CFAP61: variants seen among roughly 807,000 people sequenced by gnomAD.
CFAP61 encodes cilia and flagella associated protein 61.
CFAP61 carries 107 observed loss-of-function variants against 135.6 expected under a neutral mutation model. The observed-to-expected ratio is 0.79, with a 90% CI of 0.67 to 0.93. The LOEUF is 0.93. Ranked by LOEUF, CFAP61 falls within the 40% of genes least tolerant of loss-of-function variation. CFAP61 has a pLI of 0.00. For synonymous variants in CFAP61, 575 were observed against 578.5 expected (o/e 0.99, Z 0.09); for missense variants, 1,507 against 1,556.2 (o/e 0.97, Z 0.53).
chr20:20,359,217 T>C lies in CFAP61; in HGVS notation c.3514-993T>C, dbSNP rs1241021350. Among the ~76,000 whole-genome samples, 2 of 152,214 alleles carry C rather than the reference T, an allele frequency of 1.3e-5. No homozygotes were observed. The highest frequency in any genetic ancestry group is 4.8e-5 in the African/African-American group (2 of 41,450). The stretch of plus-strand genomic sequence containing the variant: ...TTATTCTTTCTGAGCCCTACCTTTT[T>C]AAATATATCAATAAAATTTGACTTG... On this transcript the variant is annotated intron_variant, in intron 26 of 26. Transcript: ENST00000245957. This position sits in a 1 kb window ranked among gnomAD's most constrained non-coding sequence, Gnocchi z 4.0.
chr20:20,254,672 C>G (rs576519273), intron 20 of CFAP61, among the ~76,000 whole-genome samples: 1 of 152,316 alleles, frequency 6.6e-6, no homozygotes, highest in East Asian at 1.9e-4. Flanking sequence ...GTCTTCAACT[C>G]TCTCCTGGTT....
At chr20:20,264,401 G>C (rs1210204211) in intron 21 of CFAP61, among the ~76,000 whole-genome samples, 1 of 152,128 alleles carries the variant, frequency 6.6e-6, no homozygotes, top group Non-Finnish European at 1.5e-5. Context: ...GTAGAGGTGG[G>C]ATATATAGAT....
intron 8 of CFAP61, among the ~76,000 whole-genome samples, chr20:20,128,042 C>T (rs1161656002): frequency 6.6e-6 from 1 of 151,714 alleles, no homozygotes; most frequent in Non-Finnish European, 1.5e-5. Flanking sequence ...CCCACTGTGC[C>T]CCACCCAGTA....
At chr20:20,307,852 G>T (rs1290166241) in intron 25 of CFAP61, among the ~76,000 whole-genome samples, 1 of 152,060 alleles carries the variant, frequency 6.6e-6, no homozygotes, top group Non-Finnish European at 1.5e-5. Context: ...ATAGAAAAGG[G>T]ATGGATCAGA....
chr20:20,285,363 C>T (rs2054506420), intron 22 of CFAP61, among the ~76,000 whole-genome samples: 1 of 151,460 alleles, frequency 6.6e-6, no homozygotes, highest in Non-Finnish European at 1.5e-5. Context: ...TAAATTTTAA[C>T]AAGTTATTGG....
At chr20:20,186,098 G>A (rs895608301) in intron 13 of CFAP61, among the ~76,000 whole-genome samples, 36 of 152,188 alleles carry the variant, frequency 2.4e-4, no homozygotes, top group African/African-American at 8.7e-4. Flanking sequence ...ACAGCATTGT[G>A]CAGTTACCAC....
intron 8 of CFAP61, among the ~76,000 whole-genome samples, chr20:20,108,242 A>C (rs1488626381): frequency 2.6e-5 from 4 of 152,206 alleles, no homozygotes; most frequent in Non-Finnish European, 4.4e-5. Context: ...CATGGTTATC[A>C]CAGAATGCAT....
intron 13 of CFAP61, among the ~76,000 whole-genome samples, chr20:20,174,279 C>G (rs1028500064): frequency 6.6e-6 from 1 of 152,218 alleles, no homozygotes; most frequent in African/African-American, 2.4e-5. Flanking sequence ...GCGCACCCGC[C>G]AGCCCACACC....
chr20:20,118,218 G>C (rs1261268546), intron 8 of CFAP61, among the ~76,000 whole-genome samples: 1 of 151,334 alleles, frequency 6.6e-6, no homozygotes, highest in Non-Finnish European at 1.5e-5. Flanking sequence ...TTAGCTGTGA[G>C]TTTGTCATAT....
chr20:20,225,618 A>G (rs555333525), intron 17 of CFAP61: 20 of 152,346 alleles, frequency 1.3e-4, no homozygotes, highest in African/African-American at 4.8e-4. Context: ...GAATTTCATT[A>G]CTGCCCATGT....
At chr20:20,163,910 TG>T in intron 10 of CFAP61, 139 bp from the exon 11 acceptor site, 1 of 562,306 alleles carries the variant, frequency 1.8e-6, no homozygotes, top group Non-Finnish European at 2.9e-6. Context: ...AAACCAGGCC[TG>T]GCCCAGGATG....
chr20:20,324,424 C>T (rs1390112041), intron 25 of CFAP61, among the ~76,000 whole-genome samples: 1 of 152,142 alleles, frequency 6.6e-6, no homozygotes, highest in Non-Finnish European at 1.5e-5. Context: ...AAGTTCTTTC[C>T]ATGTCAGTAC....
At chr20:20,119,001 G>T (rs1033674565) in intron 8 of CFAP61, among the ~76,000 whole-genome samples, 1 of 152,028 alleles carries the variant, frequency 6.6e-6, no homozygotes, top group Non-Finnish European at 1.5e-5. Flanking sequence ...TATCTTTAAT[G>T]TGTTATGGAA....
At chr20:20,107,560 T>C (rs1368307675) in intron 8 of CFAP61, 2 of 152,200 alleles carry the variant, frequency 1.3e-5, no homozygotes, top group East Asian at 3.8e-4. Context: ...GAGATATATA[T>C]AGGAGTATAT....
chr20:20,200,048 G>A (rs1295862030), intron 17 of CFAP61, 146 bp downstream of exon 17: 14 of 952,518 alleles, frequency 1.5e-5, no homozygotes, highest in Non-Finnish European at 1.7e-5. Flanking sequence ...GGAGCCCCGC[G>A]AAGGCTCCCC....
At chr20:20,186,100 A>C (rs1423775572) in intron 13 of CFAP61, among the ~76,000 whole-genome samples, 1 of 152,232 alleles carries the variant, frequency 6.6e-6, no homozygotes, top group East Asian at 1.9e-4. Context: ...AGCATTGTGC[A>C]GTTACCACGT....
intron 17 of CFAP61, among the ~76,000 whole-genome samples, chr20:20,223,792 C>G (rs1281144744): frequency 1.3e-5 from 2 of 152,158 alleles, no homozygotes; most frequent in Non-Finnish European, 2.9e-5. Context: ...TTTCAGTTCT[C>G]TTGACAAATG....
chr20:20,174,587 G>A (rs2054469626), intron 13 of CFAP61, among the ~76,000 whole-genome samples: 1 of 152,078 alleles, frequency 6.6e-6, no homozygotes, highest in African/African-American at 2.4e-5. Context: ...CTGTAGGGAG[G>A]ACAATATTGT....
At chr20:20,126,697 C>A (rs1307067142) in intron 8 of CFAP61, among the ~76,000 whole-genome samples, 1 of 151,832 alleles carries the variant, frequency 6.6e-6, no homozygotes, top group African/African-American at 2.4e-5. Context: ...TTTGCCTAGG[C>A]AATGATCTTT....
Sources: allele counts gnomAD v4.1 joint callset (sites outside exome capture counted in the v4.1 genomes callset), GRCh38; gene constraint gnomAD v4.1.1; non-coding constraint Gnocchi (gnomAD v3.1); transcripts MANE v1.5; gene names NCBI Gene and HGNC (gene_info 2026-07-23, HGNC 2026-07-21).